The following MVB12B variants were observed in gnomAD, a reference collection of about 807,000 sequenced individuals.
MVB12B encodes the protein multivesicular body subunit 12B, also known as ESCRT-I complex subunit MVB12B.
A neutral mutation model predicts 41.6 loss-of-function variants in MVB12B; 16 were observed. The observed-to-expected ratio is 0.38, with a 90% CI of 0.26 to 0.58. The LOEUF is 0.58. Among genes scored for constraint, MVB12B ranks in the 20% least tolerant of loss-of-function variants. The pLI, the probability that MVB12B is intolerant of heterozygous loss-of-function variation, is 0.62. For synonymous variants in MVB12B, 133 were observed against 139.7 expected, an observed-to-expected ratio of 0.95 and a Z score of 0.34; for missense variants, 274 against 380.2, an observed-to-expected ratio of 0.72 and a Z score of 2.32.
intron 7 of MVB12B, among the ~76,000 whole-genome samples, chr9:126,477,528 C>T (rs942627199): frequency 1.3e-5 from 2 of 152,134 alleles, no homozygotes; most frequent in African/African-American, 2.4e-5. Flanking sequence ...ACAATCATGG[C>T]AGAAGGCAAA....
intron 7 of MVB12B, among the ~76,000 whole-genome samples, chr9:126,461,668 T>A (rs1249276765): frequency 6.6e-6 from 1 of 150,986 alleles, no homozygotes. Flanking sequence ...AATCCAAGTT[T>A]AAAAAAAAAG....
At chr9:126,355,480 A>G (rs7849573) in intron 2 of MVB12B, among the ~76,000 whole-genome samples, 92,018 of 152,150 alleles carry the variant, frequency 0.6, 28,163 homozygotes, top group South Asian at 0.68. Context: ...TGCCCTTAAC[A>G]TTCAACGCTA....
At position 126,502,546 on chromosome 9, in the gene MVB12B, C is replaced by T. The variant is rs535252965; in HGVS notation, c.874-631C>T. The stretch of plus-strand genomic sequence containing the variant: ...GAGCCGTGGAGGAAGGTCCCCCCAC[C>T]GGGCAGCTGCCCTGGCCCCGCTGTG... On this transcript the variant is annotated intron_variant, in intron 9 of 9. Transcript: ENST00000361171. Among the ~76,000 whole-genome samples the T allele has an allele frequency of 4.6e-5, 7 of 152,272 alleles. No homozygotes were observed. In the East Asian group the frequency reaches 5.8e-4, roughly 13 times the overall value.
At chr9:126,335,117 G>A (rs1829238974) in intron 1 of MVB12B, 2 of 589,796 alleles carry the variant, frequency 3.4e-6, no homozygotes, top group African/African-American at 3.9e-5. Context: ...CGATCTAGGA[G>A]AGCTTAGAAA....
intron 7 of MVB12B, among the ~76,000 whole-genome samples, chr9:126,444,774 A>G (rs151021899): frequency 5.9e-5 from 9 of 152,264 alleles, no homozygotes; most frequent in Non-Finnish European, 1.0e-4. Flanking sequence ...GTGTGACAAG[A>G]TAAGAATCTA....
intron 7 of MVB12B, among the ~76,000 whole-genome samples, chr9:126,443,048 A>G (rs10987280): frequency 0.25 from 37,373 of 152,094 alleles, 5,400 homozygotes; most frequent in African/African-American, 0.4. Flanking sequence ...GGTGGCCGAT[A>G]ATGTCTGTAG....
chr9:126,421,510 C>G (rs1832017545), intron 6 of MVB12B, among the ~76,000 whole-genome samples: 1 of 152,234 alleles, frequency 6.6e-6, no homozygotes, highest in Non-Finnish European at 1.5e-5. Flanking sequence ...TTGTTACGGT[C>G]TTGCTGGTGC....
At chr9:126,334,199 A>G (rs546574352) in intron 1 of MVB12B, among the ~76,000 whole-genome samples, 7 of 152,304 alleles carry the variant, frequency 4.6e-5, no homozygotes, top group Admixed American at 1.3e-4. Flanking sequence ...TTCACGCGCC[A>G]GGCCCTCTTA....
intron 6 of MVB12B, among the ~76,000 whole-genome samples, chr9:126,398,230 C>A (rs1385855517): frequency 4.6e-5 from 7 of 151,692 alleles, no homozygotes; most frequent in Non-Finnish European, 8.8e-5. Flanking sequence ...ATCTCGAGCC[C>A]GTGTGGTGGT....
intron 6 of MVB12B, chr9:126,408,222 TGTTGTGA>T (rs1831505331): frequency 6.6e-6 from 1 of 152,174 alleles, no homozygotes; most frequent in South Asian, 2.1e-4. Context: ...GCGGCAGCAG[TGTTGTGA>T]ATATGTCATC....
intron 2 of MVB12B, among the ~76,000 whole-genome samples, chr9:126,362,478 A>G (rs1830054330): frequency 6.6e-6 from 1 of 152,200 alleles, no homozygotes; most frequent in African/African-American, 2.4e-5. Context: ...GGAAATTTCA[A>G]AATTATAAAA....
rs1205566269 is a variant in MVB12B at position 126,389,975 on chromosome 9, C to T, written c.410-2091C>T. On this transcript the variant is annotated intron_variant, in intron 4 of 9. Coordinates refer to ENST00000361171, the MANE Select transcript of MVB12B (RefSeq NM_033446.3). This position sits in a 1 kb window ranked among gnomAD's most constrained non-coding sequence, Gnocchi z 4.4. ...CTCTTTAAAAAACAACCCTACCCCC[C>T]TCAAAATATAATAACAAAACAATTC... Among the ~76,000 whole-genome samples the T allele has an allele frequency of 1.3e-5, 2 of 152,156 alleles. No individual in the cohort carries two copies. The highest frequency in any genetic ancestry group is 2.9e-5 in the Non-Finnish European group (2 of 68,032).
chr9:126,485,857 G>A (rs898311703), intron 9 of MVB12B, among the ~76,000 whole-genome samples: 5 of 152,160 alleles, frequency 3.3e-5, no homozygotes, highest in Non-Finnish European at 5.9e-5. Flanking sequence ...AAGACAGCAC[G>A]GGGTGTGTGG....
chr9:126,327,075 G>A (rs1032480514), intron 1 of MVB12B, 65 bp downstream of exon 1: 34 of 165,700 alleles, frequency 2.1e-4, no homozygotes, highest in African/African-American at 2.9e-4. Flanking sequence ...GAGGGCGGGC[G>A]GGCGGGCGCG....
At position 126,505,856 on chromosome 9, in the gene MVB12B, T is replaced by C. The variant is rs1834059566; in HGVS notation, c.*2593T>C. The C allele has an allele frequency of 6.6e-6, 1 of 152,008 alleles. No homozygotes were observed. Among genetic ancestry groups the C allele is most frequent in the Non-Finnish European group, 1.5e-5 (1 of 67,980 alleles). The allele number at this position is 152,008 out of a possible 1,614,324, so 9.4% of individuals were successfully genotyped here. A position where few individuals can be genotyped will look rare whatever the true frequency, so the allele number is the denominator to read the frequency against. On this transcript the variant is annotated 3_prime_UTR_variant, in exon 10 of 10. Transcript: ENST00000361171. ...CCACTGTGGGAGGGAAGGACAAGGGTTCCCTTGGAAATGTGAAGGGTCTTG... is the reference window on the plus strand; with the variant it reads ...CCACTGTGGGAGGGAAGGACAAGGGCTCCCTTGGAAATGTGAAGGGTCTTG...
intron 7 of MVB12B, among the ~76,000 whole-genome samples, chr9:126,464,062 A>G (rs1314493933): frequency 6.6e-6 from 1 of 152,132 alleles, no homozygotes; most frequent in Non-Finnish European, 1.5e-5. Context: ...TCATCTGTCT[A>G]TCACCTCATC....
chr9:126,449,965 A>G (rs1462488740), intron 7 of MVB12B, among the ~76,000 whole-genome samples: 3 of 152,064 alleles, frequency 2.0e-5, no homozygotes, highest in Non-Finnish European at 4.4e-5. Flanking sequence ...TGTGCCTCCT[A>G]CGGAATTCCG....
chr9:126,448,884 T>G (rs190949863), intron 7 of MVB12B, among the ~76,000 whole-genome samples: 2 of 152,220 alleles, frequency 1.3e-5, no homozygotes, highest in East Asian at 1.9e-4. Flanking sequence ...GGGGACAAAC[T>G]GCCAAACCAT....
intron 7 of MVB12B, among the ~76,000 whole-genome samples, chr9:126,434,970 T>C (rs1044928858): frequency 1.3e-5 from 2 of 152,184 alleles, no homozygotes; most frequent in Admixed American, 1.3e-4. Context: ...TGACACTCAA[T>C]GTTTCGTTGA....
Sources: gnomAD v4.1 joint callset for allele counts (sites outside exome capture counted in the v4.1 genomes callset) on GRCh38, gnomAD v4.1.1 for gene constraint, Gnocchi (gnomAD v3.1) non-coding constraint, MANE v1.5 for transcripts, NCBI Gene and HGNC (gene_info 2026-07-23, HGNC 2026-07-21) for gene names.